Variants in PLAT observed in about 807,000 individuals in gnomAD.
PLAT encodes plasminogen activator, tissue type.
Under a neutral mutation model 74.9 loss-of-function variants are expected in PLAT, and 48 were observed. The ratio of observed to expected loss-of-function variants is 0.64; its 90% CI spans 0.51 to 0.82. The LOEUF is 0.82. Ranked by LOEUF, PLAT falls within the 40% of genes least tolerant of loss-of-function variation. The pLI is 0.00. For synonymous variants in PLAT, 307 were observed against 294.4 expected (o/e 1.04, Z -0.44); for missense variants, 673 against 736.2 (o/e 0.91, Z 0.99).
At chr8:42,198,872 G>A (rs1806020186) in intron 1 of PLAT, among the ~76,000 whole-genome samples, 1 of 151,306 alleles carries the variant, frequency 6.6e-6, no homozygotes, top group Admixed American at 6.6e-5. Context: ...ACTCTCCACT[G>A]CCACCCCCGC....
Position 42,191,490 on chromosome 8 carries a change from G to T in PLAT, c.73-76C>A. The stretch of plus-strand genomic sequence containing the variant: ...AAGAGTAAAGGCGGCCAACCCAGAA[G>T]CCCATGTGAACCTGCCGGCCAGATA... On this transcript the variant is annotated intron_variant, in intron 2 of 13. Coordinates refer to ENST00000220809, the MANE Select transcript of PLAT (RefSeq NM_000930.5). The T allele has an allele frequency of 5.0e-6, 7 of 1,398,404 alleles. No homozygotes were observed. In the South Asian group the frequency reaches 8.1e-5, roughly 16 times the overall value. 86.6% of individuals were successfully genotyped at this position (1,398,404 alleles called of 1,614,324 possible). A position where few individuals can be genotyped will look rare whatever the true frequency, so the allele number is the denominator to read the frequency against.
intron 4 of PLAT, among the ~76,000 whole-genome samples, chr8:42,188,730 C>T (rs889986972): frequency 1.3e-5 from 2 of 152,168 alleles, no homozygotes; most frequent in Non-Finnish European, 2.9e-5. Flanking sequence ...CTCCTGGGCT[C>T]AAGTGATCCT....
intron 12 of PLAT, 131 bp downstream of exon 12, chr8:42,179,795 G>C: frequency 2.2e-6 from 2 of 899,228 alleles, no homozygotes; most frequent in Non-Finnish European, 3.3e-6. Flanking sequence ...ACGACACAGG[G>C]AGACGGGACT....
chr8:42,180,468 A>G (rs1805190625), intron 10 of PLAT, 22 bp downstream of exon 10: 4 of 1,613,912 alleles, frequency 2.5e-6, no homozygotes, highest in Non-Finnish European at 3.4e-6. Flanking sequence ...TGGAAAAACC[A>G]ACTGGGTTTC....
intron 7 of PLAT, among the ~76,000 whole-genome samples, chr8:42,184,196 C>T (rs1805361268): frequency 6.6e-6 from 1 of 152,048 alleles, no homozygotes; most frequent in South Asian, 2.1e-4. Flanking sequence ...CCGCCTCAGC[C>T]TCCCAAAGTG....
intron 1 of PLAT, among the ~76,000 whole-genome samples, chr8:42,195,930 G>T (rs950486555): frequency 6.6e-6 from 1 of 152,144 alleles, no homozygotes; most frequent in Non-Finnish European, 1.5e-5. Context: ...TCTTCATCAC[G>T]CTGTCCACAC....
intron 7 of PLAT, 104 bp from the exon 8 acceptor site, chr8:42,182,994 G>T: frequency 1.2e-6 from 1 of 834,828 alleles, no homozygotes; most frequent in Non-Finnish European, 1.9e-6. Context: ...GCTGGAGGCC[G>T]CTAGCCCGGC....
chr8:42,189,008 A>T lies in PLAT; in HGVS notation c.179T>A (p.Val60Glu), dbSNP rs532003804. Residue 60 changes from valine to glutamate, a missense_variant, in exon 4 of 14, where the codon GTG becomes GAG. By Grantham distance (121) the Val-to-Glu change is moderately radical. Coordinates refer to ENST00000220809, the MANE Select transcript of PLAT (RefSeq NM_000930.5). ...YQQHQSWLRP[V>E]LRSNRVEYCW... Reference sequence around the variant, plus strand: ...ATATTCCACCCGGTTGCTTCTGAGCACAGGGCGCAGCCATGACTGATGTTG... The same window carrying T: ...ATATTCCACCCGGTTGCTTCTGAGCTCAGGGCGCAGCCATGACTGATGTTG... 1.9e-6 allele frequency: 3 copies of T among 1,614,076 alleles called. No homozygotes were observed. The African/African-American group carries it at 4.0e-5, about 22-fold the overall frequency.
chr8:42,206,979 CT>C (rs1806364812), intron 1 of PLAT, among the ~76,000 whole-genome samples: 1 of 152,134 alleles, frequency 6.6e-6, no homozygotes, highest in African/African-American at 2.4e-5. Context: ...CTGCTTCTCT[CT>C]CCCAGCACCT....
At chr8:42,179,094 G>A (rs1805103623) in intron 12 of PLAT, 31 bp from the exon 13 acceptor site, 1 of 1,547,238 alleles carries the variant, frequency 6.5e-7, no homozygotes. Context: ...TATGGTTTTA[G>A]GGAAAGTTAT....
Position 42,179,079 on chromosome 8 carries a change from C to A in PLAT, c.1364-16G>T, listed in dbSNP as rs1193537948. 1 of 1,589,564 alleles carries A rather than the reference C, an allele frequency of 6.3e-7. No individual in the cohort carries two copies. On this transcript the variant is annotated splice_polypyrimidine_tract_variant and intron_variant, in intron 12 of 13. Transcript: ENST00000220809. Reference sequence around the variant, plus strand: ...AAAGGAGACACTGAAAGGGGAGAACCATCATATGGTTTTAGGGAAAGTTAT... The same window carrying A: ...AAAGGAGACACTGAAAGGGGAGAACAATCATATGGTTTTAGGGAAAGTTAT...
At chr8:42,187,849 C>G in intron 5 of PLAT, 57 bp downstream of exon 5, 1 of 1,196,702 alleles carries the variant, frequency 8.4e-7, no homozygotes, top group Non-Finnish European at 1.2e-6. Flanking sequence ...CTTCCGGGGG[C>G]GGGGGAGACT....
At position 42,185,080 on chromosome 8, in the gene PLAT, C is replaced by G. The variant is rs372616437; in HGVS notation, c.631+1G>C. ...GGAAAGGCGGGGTGGCTGCCACTTA[C>G]CCTCAGAGCAGGCAGGGGTGCTGCA... On this transcript the variant is annotated splice_donor_variant, in intron 7 of 13. Coordinates refer to ENST00000220809, the MANE Select transcript of PLAT (RefSeq NM_000930.5). LOFTEE classifies it high-confidence loss of function. The G allele has an allele frequency of 2.5e-6, 4 of 1,593,794 alleles. No individual in the cohort carries two copies. The African/African-American group carries it at 4.1e-5, about 16-fold the overall frequency.
At chr8:42,207,196 A>G (rs1293042911) in intron 1 of PLAT, among the ~76,000 whole-genome samples, 1 of 152,068 alleles carries the variant, frequency 6.6e-6, no homozygotes, top group South Asian at 2.1e-4. Context: ...GCTTTTCTGT[A>G]TCGTTCTTTT....
intron 5 of PLAT, 77 bp from the exon 6 acceptor site, chr8:42,187,649 C>T: frequency 1.5e-6 from 2 of 1,355,164 alleles, no homozygotes; most frequent in South Asian, 1.4e-5. Context: ...CCCTCTCTGC[C>T]CCGTCCTCCC....
At chr8:42,190,388 A>T (rs1805638948) in intron 3 of PLAT, among the ~76,000 whole-genome samples, 1 of 152,216 alleles carries the variant, frequency 6.6e-6, no homozygotes, top group Non-Finnish European at 1.5e-5. Flanking sequence ...TACTTCTCCA[A>T]GTATTTTTGG....
At chr8:42,194,263 T>A (rs1434546596) in intron 1 of PLAT, among the ~76,000 whole-genome samples, 1 of 150,416 alleles carries the variant, frequency 6.6e-6, no homozygotes, top group Non-Finnish European at 1.5e-5. Context: ...TGTGTGTGTG[T>A]GTGTGTGTGT....
At chr8:42,194,949 C>T (rs1053474755) in intron 1 of PLAT, among the ~76,000 whole-genome samples, 21 of 152,220 alleles carry the variant, frequency 1.4e-4, no homozygotes, top group South Asian at 2.1e-4. Flanking sequence ...TTCCATCTGC[C>T]TCTCCTCTGT....
At chr8:42,183,711 A>G (rs1805340310) in intron 7 of PLAT, among the ~76,000 whole-genome samples, 1 of 151,964 alleles carries the variant, frequency 6.6e-6, no homozygotes, top group Admixed American at 6.6e-5. Context: ...CTCTATACAT[A>G]AATACCATAA....
Sources: allele counts gnomAD v4.1 joint callset (sites outside exome capture counted in the v4.1 genomes callset), GRCh38; gene constraint gnomAD v4.1.1; transcripts MANE v1.5; gene names NCBI Gene and HGNC (gene_info 2026-07-23, HGNC 2026-07-21).